LIX1: variants seen among roughly 807,000 people sequenced by gnomAD.
LIX1 encodes the protein limb and CNS expressed 1.
In LIX1, 24 loss-of-function variants were observed where a neutral mutation model predicts 33.4. The observed-to-expected ratio is 0.72, with a 90% CI of 0.52 to 1.01. The LOEUF (loss-of-function observed/expected upper bound fraction) is 1.01, where lower values mean the gene tolerates loss of function less well. Among genes scored for constraint, LIX1 ranks in the 50% least tolerant of loss-of-function variants. The pLI, the probability that LIX1 is intolerant of heterozygous loss-of-function variation, is 0.00. For synonymous variants in LIX1, 124 were observed against 124.0 expected (o/e 1.00, Z 0.00); for missense variants, 311 against 339.2 (o/e 0.92, Z 0.65).
At chr5:97,124,747 G>C (rs1378804740) in intron 1 of LIX1, 118 bp from the exon 2 acceptor site, 5 of 705,072 alleles carry the variant, frequency 7.1e-6, no homozygotes, top group Non-Finnish European at 1.1e-5. Flanking sequence ...AGTAGAGCTG[G>C]GTATGTGGAT....
chr5:97,120,800 G>A (rs1363115045), intron 2 of LIX1, among the ~76,000 whole-genome samples: 1 of 152,130 alleles, frequency 6.6e-6, no homozygotes, highest in Non-Finnish European at 1.5e-5. Flanking sequence ...GAAAGTAACA[G>A]GGAGCCATTG....
At chr5:97,106,706 T>A (rs1282375223) in intron 3 of LIX1, among the ~76,000 whole-genome samples, 2 of 151,966 alleles carry the variant, frequency 1.3e-5, no homozygotes. Context: ...CTGTCTTATA[T>A]TGCTTAAAAA....
chr5:97,124,347 A>G (rs1747857259), intron 2 of LIX1, 119 bp downstream of exon 2: 3 of 807,006 alleles, frequency 3.7e-6, no homozygotes, highest in Non-Finnish European at 3.7e-6. Flanking sequence ...CATTCATAGG[A>G]TATGGTACAA....
At chr5:97,132,051 C>T (rs760820042) in intron 1 of LIX1, among the ~76,000 whole-genome samples, 2 of 152,162 alleles carry the variant, frequency 1.3e-5, no homozygotes, top group Non-Finnish European at 2.9e-5. Context: ...GATGCCAACA[C>T]GAATTGATTT....
chr5:97,096,733 G>A, intron 5 of LIX1, 77 bp downstream of exon 5: 1 of 1,006,390 alleles, frequency 9.9e-7, no homozygotes, highest in Non-Finnish European at 1.6e-6. Context: ...TCCGAATAAA[G>A]GAAATCTCCT....
intron 2 of LIX1, among the ~76,000 whole-genome samples, chr5:97,108,458 C>T (rs1334297017): frequency 6.6e-6 from 1 of 152,168 alleles, no homozygotes; most frequent in Non-Finnish European, 1.5e-5. Context: ...CTTTTCTGTC[C>T]TCCCTGCCTC....
At chr5:97,137,875 A>G (rs1467179561) in intron 1 of LIX1, among the ~76,000 whole-genome samples, 1 of 152,180 alleles carries the variant, frequency 6.6e-6, no homozygotes, top group Non-Finnish European at 1.5e-5. Flanking sequence ...GATTTCACAT[A>G]ACTGTACTAA....
Position 97,107,426 on chromosome 5 carries a change from C to A in LIX1, c.321G>T (p.Leu107=), listed in dbSNP as rs1747111806. The A allele has an allele frequency of 1.2e-6, 2 of 1,613,000 alleles. No individual in the cohort carries two copies. Among genetic ancestry groups the A allele is most frequent in the East Asian group, 2.2e-5 (1 of 44,900 alleles). The change falls in exon 3 of 6, where the codon CTG becomes CTT. Residue 107 remains leucine (L), a synonymous_variant. Transcript: ENST00000274382. ...ATTCCTTGGTGATCCTGCGAGAGGG[C>A]AGCTCATTGAAGAGGGAGTTGATCA... ...VALINSLFNE[L]PSRRITKEFI... is the part of the protein sequence containing the mutation.
At chr5:97,119,186 C>T (rs189045578) in intron 2 of LIX1, among the ~76,000 whole-genome samples, 133 of 152,302 alleles carry the variant, frequency 8.7e-4, no homozygotes, top group Non-Finnish European at 1.4e-3. Context: ...TTGGTGGTGA[C>T]GTCCATGGCT....
At chr5:97,119,623 G>A (rs916619652) in intron 2 of LIX1, among the ~76,000 whole-genome samples, 1 of 152,112 alleles carries the variant, frequency 6.6e-6, no homozygotes, top group Non-Finnish European at 1.5e-5. Context: ...GTCCTCCTGA[G>A]AGCCTTAAAA....
chr5:97,134,146 G>GT (rs1185931528), intron 1 of LIX1, among the ~76,000 whole-genome samples: 1 of 152,160 alleles, frequency 6.6e-6, no homozygotes, highest in Non-Finnish European at 1.5e-5. Context: ...TTGAGATGGA[G>GT]TTTTACTTTT....
Position 97,101,522 on chromosome 5 carries a change from A to G in LIX1, c.483+3668T>C, listed in dbSNP as rs116131657. ...GGTCCTGACCAGCGGAGTAAATTTA[A>G]TATAGAACGAAGAATCAAGCTGTGT... On this transcript the variant is annotated intron_variant, in intron 4 of 5. Coordinates refer to ENST00000274382, the MANE Select transcript of LIX1 (RefSeq NM_153234.5). Among the ~76,000 whole-genome samples the G allele has an allele frequency of 9.3e-3, 1,410 of 152,318 alleles. 27 individuals carry two copies. Among genetic ancestry groups the G allele is most frequent in the African/African-American group, 0.032 (1,348 of 41,562 alleles).
chr5:97,124,862 G>A (rs2112179), intron 1 of LIX1, among the ~76,000 whole-genome samples: 8,457 of 152,148 alleles, frequency 0.056, 308 homozygotes, highest in Non-Finnish European at 0.083. Flanking sequence ...AAATGCAAAT[G>A]TGTATATTTC....
At chr5:97,122,831 G>C (rs1229024037) in intron 2 of LIX1, among the ~76,000 whole-genome samples, 3 of 152,148 alleles carry the variant, frequency 2.0e-5, no homozygotes, top group Non-Finnish European at 4.4e-5. Context: ...CTTACTGAAG[G>C]ACACTATCTC....
chr5:97,105,221 G>A lies in LIX1; in HGVS notation c.452C>T (p.Ser151Leu). The A allele has an allele frequency of 6.2e-7, 1 of 1,614,094 alleles. No individual in the cohort carries two copies. The highest frequency in any genetic ancestry group is 8.5e-7 in the Non-Finnish European group (1 of 1,179,990). The change falls in exon 4 of 6, where the codon TCA becomes TTA. Residue 151 changes from serine to leucine, a missense_variant. Transcript: ENST00000274382. ...CTCCAGCATAGTCTTCCCCATGTTTGACTCCAGCATGTAGTGATAGGCCCC... is the reference window on the plus strand; with the variant it reads ...CTCCAGCATAGTCTTCCCCATGTTTAACTCCAGCATGTAGTGATAGGCCCC... ...SVGAYHYMLE[S>L]NMGKTMLEFQ...
In LIX1 at chr5:97,101,438, T is replaced by A. The variant is rs189750374; in HGVS notation, c.483+3752A>T. Among the ~76,000 whole-genome samples the A allele has an allele frequency of 1.4e-3, 212 of 152,284 alleles. 2 individuals are homozygous for A. The highest frequency in any genetic ancestry group is 0.014 in the Middle Eastern group (4 of 294). On this transcript the variant is annotated intron_variant, in intron 4 of 5. Transcript: ENST00000274382. ...TCTGCTATCTTGAAATTCTTGGTAA[T>A]TTTTGAACAAGGGCCCCTGGATTTT...
rs1244802877 is a variant in LIX1, at chr5:97,096,969, C to A, written c.484-82G>T. On this transcript the variant is annotated intron_variant, in intron 4 of 5. Coordinates refer to ENST00000274382, the MANE Select transcript of LIX1 (RefSeq NM_153234.5). ...GCTGAGCAGGGCATAACTCTAATTC[C>A]CAAATATATCAGGAAACAGAATACA... 4 of 1,012,156 alleles carry A rather than the reference C, an allele frequency of 4.0e-6. No individual in the cohort carries two copies. In the East Asian group the frequency reaches 9.5e-5, roughly 24 times the overall value. 62.7% of individuals were successfully genotyped at this position (1,012,156 alleles called of 1,614,324 possible). A position where few individuals can be genotyped will look rare whatever the true frequency, so the allele number is the denominator to read the frequency against.
At chr5:97,131,399 TC>T (rs1360194897) in intron 1 of LIX1, among the ~76,000 whole-genome samples, 4 of 152,178 alleles carry the variant, frequency 2.6e-5, no homozygotes, top group African/African-American at 9.7e-5. Context: ...CACATGTACC[TC>T]CTTTTCTGAA....
At chr5:97,103,951 C>A (rs1746870012) in intron 4 of LIX1, among the ~76,000 whole-genome samples, 1 of 139,528 alleles carries the variant, frequency 7.2e-6, no homozygotes, top group Non-Finnish European at 1.5e-5. Context: ...GGCGACAGAG[C>A]TAGACTCCGT....
Sources: allele counts gnomAD v4.1 joint callset (sites outside exome capture counted in the v4.1 genomes callset), GRCh38; gene constraint gnomAD v4.1.1; transcripts MANE v1.5; gene names NCBI Gene and HGNC (gene_info 2026-07-23, HGNC 2026-07-21).